DST: variants seen among roughly 807,000 people sequenced by gnomAD.
The protein encoded by DST is bullous pemphigoid antigen.
Under a neutral mutation model 875.2 loss-of-function variants are expected in DST, and 253 were observed. That is an observed-to-expected ratio of 0.29 (90% CI 0.26 to 0.32). The LOEUF (loss-of-function observed/expected upper bound fraction) is 0.32, where lower values mean the gene tolerates loss of function less well. Among genes scored for constraint, DST ranks in the 10% least tolerant of loss-of-function variants. The pLI, the probability that DST is intolerant of heterozygous loss-of-function variation, is 1.00. For synonymous variants in DST, 3,124 were observed against 3,197.1 expected (o/e 0.98, Z 0.77); for missense variants, 8,287 against 9,111.6 (o/e 0.91, Z 3.68).
intron 9 of DST, among the ~76,000 whole-genome samples, chr6:56,698,881 GT>G (rs879831256): frequency 7.2e-5 from 11 of 152,176 alleles, no homozygotes; most frequent in Non-Finnish European, 1.5e-4. Context: ...TGATGTTGAG[GT>G]TTGGGGTACA....
In DST at chr6:56,594,003, G is replaced by A; in HGVS notation, c.12386C>T (p.Thr4129Ile). The A allele has an allele frequency of 6.2e-7, 1 of 1,613,852 alleles. No individual in the cohort carries two copies. Among genetic ancestry groups the A allele is most frequent in the Non-Finnish European group, 8.5e-7 (1 of 1,179,852 alleles). ...TTCTAATTCTTCCTGCAGAGAGTGA[G>A]TTAACTTCATTTTCTTCTCTGACTC... Reference protein sequence around the residue: ...LAESEKKMKLTHSLQEELEKF... With the variant: ...LAESEKKMKLIHSLQEELEKF... Residue 4129 changes from threonine to isoleucine, a missense_variant, in exon 48 of 104, where the codon ACT (threonine) becomes ATT (isoleucine). Transcript: ENST00000680361.
In DST at chr6:56,616,332, C is replaced by T. The variant is rs140192373; in HGVS notation, c.4930-1848G>A. 2,432 of 1,613,714 alleles carry T rather than the reference C, an allele frequency of 1.5e-3. 4 individuals carry two copies. Among genetic ancestry groups the T allele is most frequent in the Middle Eastern group, 8.2e-3 (50 of 6,062 alleles). ...TGCCCATAGGATTCAAAAAACATAG[C>T]TTCCTTCCACTGATATTGCTGCCCT... On this transcript the variant is annotated intron_variant, in intron 36 of 103. Coordinates refer to ENST00000680361, the MANE Select transcript of DST (RefSeq NM_001374736.1).
rs537264359 is a variant in DST, at chr6:56,658,072, CT to C, written c.1215-6829del. Among the ~76,000 whole-genome samples, 3 of 149,720 alleles carry C rather than the reference CT, an allele frequency of 2.0e-5. No individual in the cohort carries two copies. The East Asian group carries it at 6.0e-4, about 30-fold the overall frequency. ...TGAGACACTGCGCCTGGCCGTAATT[CT>C]TTTTTTTTGACATGGAGTCTCACTC... is the stretch of plus-strand genomic sequence containing the variant. On this transcript the variant is annotated intron_variant, in intron 10 of 103. Coordinates refer to ENST00000680361, the MANE Select transcript of DST (RefSeq NM_001374736.1).
chr6:56,779,409 T>C (rs537117198), intron 4 of DST, among the ~76,000 whole-genome samples: 1 of 152,114 alleles, frequency 6.6e-6, no homozygotes. Flanking sequence ...TTTGTCAATT[T>C]TGGCTTTTGT....
chr6:56,560,154 T>C (rs1184649818), intron 58 of DST, 140 bp downstream of exon 58: 2 of 840,122 alleles, frequency 2.4e-6, no homozygotes, highest in Admixed American at 3.5e-5. Flanking sequence ...AATGACACTT[T>C]ATGCAAAAAA....
chr6:56,562,257 C>T (rs2097546857), intron 55 of DST, 57 bp from the exon 56 acceptor site: 1 of 1,209,906 alleles, frequency 8.3e-7, no homozygotes, highest in Admixed American at 2.4e-5. Flanking sequence ...TATACATTAA[C>T]AGTAGATGGC....
chr6:56,503,530 A>G (rs2096206113), intron 78 of DST, among the ~76,000 whole-genome samples: 1 of 151,736 alleles, frequency 6.6e-6, no homozygotes, highest in Non-Finnish European at 1.5e-5. Flanking sequence ...TGAATAAACA[A>G]GTTAAACAAG....
chr6:56,905,167 C>T (rs2127701914), intron 2 of DST, among the ~76,000 whole-genome samples: 1 of 152,248 alleles, frequency 6.6e-6, no homozygotes, highest in South Asian at 2.1e-4. Context: ...TTTTAGGACA[C>T]CCCAAATTAT....
intron 17 of DST, among the ~76,000 whole-genome samples, chr6:56,641,566 TGA>T (rs1193975202): frequency 6.6e-6 from 1 of 152,134 alleles, no homozygotes; most frequent in African/African-American, 2.4e-5. Flanking sequence ...CCAGCCTGGG[TGA>T]GAGAGCAAAA....
Position 56,781,091 on chromosome 6 carries a change from T to C in DST, c.626-45802A>G, listed in dbSNP as rs551299428. Among the ~76,000 whole-genome samples, 527 of 151,042 alleles carry C rather than the reference T, an allele frequency of 3.5e-3. 5 individuals carry two copies. The highest frequency in any genetic ancestry group is 0.012 in the African/African-American group (493 of 40,382). Reference sequence around the variant, plus strand: ...TTCTGTCCATTGATCTATATCTCTGTTTTGGTACCAGTACCATGCTGTTTT... The same window carrying C: ...TTCTGTCCATTGATCTATATCTCTGCTTTGGTACCAGTACCATGCTGTTTT... On this transcript the variant is annotated intron_variant, in intron 4 of 103. Coordinates refer to ENST00000680361, the MANE Select transcript of DST (RefSeq NM_001374736.1).
chr6:56,465,978 T>A, intron 99 of DST, 100 bp downstream of exon 99: 1 of 857,782 alleles, frequency 1.2e-6, no homozygotes. Context: ...CATTCACTAT[T>A]GGAATAAATG....
chr6:56,656,910 A>G (rs2099011589), intron 10 of DST, among the ~76,000 whole-genome samples: 1 of 152,160 alleles, frequency 6.6e-6, no homozygotes, highest in South Asian at 2.1e-4. Flanking sequence ...CATAAGAAAC[A>G]TGCTGAAGTT....
intron 9 of DST, among the ~76,000 whole-genome samples, chr6:56,687,612 A>G (rs1470914382): frequency 2.6e-5 from 4 of 152,182 alleles, no homozygotes; most frequent in African/African-American, 9.7e-5. Flanking sequence ...TCTTTTATTC[A>G]CATCACTTGA....
chr6:56,521,306 T>A (rs2096696094), intron 69 of DST, among the ~76,000 whole-genome samples: 1 of 151,716 alleles, frequency 6.6e-6, no homozygotes, highest in Non-Finnish European at 1.5e-5. Flanking sequence ...GATATCTGAA[T>A]AAAATTTAAC....
intron 98 of DST, among the ~76,000 whole-genome samples, chr6:56,467,965 T>C (rs1216976259): frequency 6.6e-6 from 1 of 152,194 alleles, no homozygotes; most frequent in Non-Finnish European, 1.5e-5. Context: ...TTCAGTATTA[T>C]AGTATAACTA....
chr6:56,728,999 C>T (rs2099484936), intron 5 of DST, among the ~76,000 whole-genome samples: 1 of 145,610 alleles, frequency 6.9e-6, no homozygotes, highest in South Asian at 2.1e-4. Flanking sequence ...CACACACACA[C>T]ACACACACAC....
At position 56,530,137 on chromosome 6, in the gene DST, C is replaced by T. The variant is rs745864700; in HGVS notation, c.17109-4G>A. 6.4e-7 allele frequency: 1 copy of T among 1,572,358 alleles called. No homozygotes were observed. Among genetic ancestry groups the T allele is most frequent in the South Asian group, 1.2e-5 (1 of 82,404 alleles). ...GATACCTTCCAACTGACGATTCCTA[C>T]AAATGTGCCAAAAGGTCATTTAGGG... On this transcript the variant is annotated splice_polypyrimidine_tract_variant and splice_region_variant and intron_variant, in intron 64 of 103. Coordinates refer to ENST00000680361, the MANE Select transcript of DST (RefSeq NM_001374736.1).
chr6:56,851,597 C>G lies in DST; in HGVS notation c.425G>C (p.Gly142Ala). Residue 142 changes from glycine to alanine, a missense_variant, in exon 4 of 104, where the codon GGG becomes GCG. Around this residue, in one of 10 missense-constraint regions of DST, gnomAD observed 1,160 missense variants for 1,424.3 expected, o/e 0.81. Transcript: ENST00000680361. Reference sequence around the variant, plus strand: ...CATAGAGCAGCGATAGGACGCGTTCCCGGAACTCTACAGAGAATGACACAG... The same window carrying G: ...CATAGAGCAGCGATAGGACGCGTTCGCGGAACTCTACAGAGAATGACACAG... ...QGASIRRPSS[G>A]NASYRCSMSS... 1.9e-6 allele frequency: 3 copies of G among 1,613,770 alleles called. No individual in the cohort carries two copies. The highest frequency in any genetic ancestry group is 2.5e-6 in the Non-Finnish European group (3 of 1,179,814).
At chr6:56,749,279 G>A (rs34623351) in intron 4 of DST, among the ~76,000 whole-genome samples, 17,741 of 152,044 alleles carry the variant, frequency 0.12, 1,416 homozygotes, top group Middle Eastern at 0.19. Context: ...GCTTTAACCC[G>A]GGAGGCAGAG....
Sources: gnomAD v4.1 joint callset for allele counts (sites outside exome capture counted in the v4.1 genomes callset) on GRCh38, gnomAD v4.1.1 for gene constraint, gnomAD v4.1.1 regional missense constraint, MANE v1.5 for transcripts, NCBI Gene and HGNC (gene_info 2026-07-23, HGNC 2026-07-21) for gene names.